Variants in FCHO2 observed in about 807,000 individuals in gnomAD.
The protein encoded by FCHO2 is FCH and mu domain containing endocytic adaptor 2, also known as F-BAR domain only protein 2.
FCHO2 carries 43 observed loss-of-function variants against 114.1 expected under a neutral mutation model. The observed-to-expected ratio is 0.38, with a 90% CI of 0.30 to 0.49. FCHO2 has a LOEUF of 0.49. FCHO2 is among the 20% of genes least tolerant of loss of function. The probability of loss-of-function intolerance (pLI) is 0.97; values close to 1 mark genes in which losing one functional copy is unlikely to be tolerated. For missense variants in FCHO2, 807 were observed against 950.4 expected, an observed-to-expected ratio of 0.85 and a Z score of 1.98; for synonymous variants, 293 against 315.2, an observed-to-expected ratio of 0.93 and a Z score of 0.75.
At chr5:73,029,115 C>T (rs1434100015) in intron 8 of FCHO2, among the ~76,000 whole-genome samples, 2 of 152,076 alleles carry the variant, frequency 1.3e-5, no homozygotes, top group African/African-American at 4.8e-5. Flanking sequence ...TGTCAAAATT[C>T]ATTAAACTGT....
intron 6 of FCHO2, among the ~76,000 whole-genome samples, chr5:73,008,985 G>A (rs1754857939): frequency 6.6e-6 from 1 of 152,208 alleles, no homozygotes. Context: ...AGTACACAAA[G>A]CCATGATGAC....
chr5:73,046,232 A>AT (rs1041220320), intron 11 of FCHO2, among the ~76,000 whole-genome samples: 13 of 152,004 alleles, frequency 8.6e-5, no homozygotes, highest in Non-Finnish European at 1.9e-4. Context: ...TACCCAGCTA[A>AT]TTTTTTTATT....
chr5:73,056,191 G>T, intron 16 of FCHO2, 84 bp downstream of exon 16: 12 of 1,058,414 alleles, frequency 1.1e-5, no homozygotes, highest in Non-Finnish European at 1.6e-5. Context: ...TGAATGGAAA[G>T]CACAGAGATT....
chr5:73,019,959 C>T (rs1755526640), intron 8 of FCHO2, among the ~76,000 whole-genome samples: 1 of 152,202 alleles, frequency 6.6e-6, no homozygotes, highest in Non-Finnish European at 1.5e-5. Context: ...CCACACCTCT[C>T]ACCAAGGCCA....
rs547826469 is a variant in FCHO2, at chr5:73,069,950, T to C, written c.1579+1171T>C. Reference sequence around the variant, plus strand: ...TAAAAATTATAACTGTACGTATTGCTGCTGGTTTAAGTAGTGATGGGTTTA... The same window carrying C: ...TAAAAATTATAACTGTACGTATTGCCGCTGGTTTAAGTAGTGATGGGTTTA... On this transcript the variant is annotated intron_variant, in intron 19 of 25. Transcript: ENST00000430046. Among the ~76,000 whole-genome samples the C allele has an allele frequency of 2.6e-5, 4 of 152,272 alleles. No homozygotes were observed. In the South Asian group the frequency reaches 8.3e-4, roughly 32 times the overall value.
At chr5:72,989,582 A>G in intron 3 of FCHO2, 81 bp downstream of exon 3, 2 of 1,013,222 alleles carry the variant, frequency 2.0e-6, no homozygotes, top group South Asian at 3.1e-5. Flanking sequence ...AGGACATAAC[A>G]GTTCAAAAGC....
rs536108441 is a variant in FCHO2 at position 73,081,220 on chromosome 5, CAG to C, written c.1981-560_1981-559del. On this transcript the variant is annotated intron_variant, in intron 22 of 25. Coordinates refer to ENST00000430046, the MANE Select transcript of FCHO2 (RefSeq NM_138782.3). ...ATACAGTTTTCAGTGTAAATTTAAA[CAG>C]AGCAGTCAGAGTAGGTCTCCTTAAA... Among the ~76,000 whole-genome samples, 33 of 152,204 alleles carry C rather than the reference CAG, an allele frequency of 2.2e-4. No homozygotes were observed. In the South Asian group the frequency reaches 3.9e-3, roughly 18 times the overall value.
chr5:72,969,909 T>A (rs1752424943), intron 2 of FCHO2, among the ~76,000 whole-genome samples: 1 of 152,234 alleles, frequency 6.6e-6, no homozygotes, highest in South Asian at 2.1e-4. Flanking sequence ...TTTGCTCTAT[T>A]TATGCACTTG....
intron 8 of FCHO2, among the ~76,000 whole-genome samples, chr5:73,028,357 G>C (rs186856871): frequency 1.3e-3 from 194 of 152,256 alleles, no homozygotes; most frequent in Non-Finnish European, 1.9e-3. Flanking sequence ...ATATGATCCA[G>C]TTGTTCTACC....
rs1311921456 is a variant in FCHO2 at position 73,054,566 on chromosome 5, A to C, written c.1210+17A>C. On this transcript the variant is annotated intron_variant, in intron 15 of 25. Coordinates refer to ENST00000430046, the MANE Select transcript of FCHO2 (RefSeq NM_138782.3). Reference sequence around the variant, plus strand: ...ATTTGTCTAGTAAGTTTGACATTTGAATTGTTTATTTTATGTCTATTAAAA... The same window carrying C: ...ATTTGTCTAGTAAGTTTGACATTTGCATTGTTTATTTTATGTCTATTAAAA... The C allele has an allele frequency of 1.3e-6, 2 of 1,528,344 alleles. No individual in the cohort carries two copies. The highest frequency in any genetic ancestry group is 4.1e-5 in the Admixed American group (2 of 48,730). The allele number at this position is 1,528,344 out of a possible 1,614,324, so 94.7% of individuals were successfully genotyped here.
At chr5:73,071,759 T>A (rs1742667019) in intron 19 of FCHO2, among the ~76,000 whole-genome samples, 1 of 151,868 alleles carries the variant, frequency 6.6e-6, no homozygotes, top group African/African-American at 2.4e-5. Context: ...AAATAGAAAA[T>A]ACGAAAGGGA....
At position 73,052,334 on chromosome 5, in the gene FCHO2, A is replaced by G; in HGVS notation, c.1000A>G (p.Thr334Ala). 1 of 1,603,612 alleles carries G rather than the reference A, an allele frequency of 6.2e-7. No individual in the cohort carries two copies. Among genetic ancestry groups the G allele is most frequent in the Non-Finnish European group, 8.5e-7 (1 of 1,175,500 alleles). Residue 334 changes from threonine (T) to alanine (A), a missense_variant and splice_region_variant, in exon 13 of 26, where the codon ACC (threonine) becomes GCC (alanine). By Grantham distance (58) the Thr-to-Ala change is moderately conservative. Transcript: ENST00000430046. ...SIKPETNQND[T>A]KENHFYSSSD... ...ACAATTCTTTAACTGAAACTCACAT[A>G]CCAAAGAGAACCATTTCTACTCATC...
chr5:73,003,278 G>T (rs1025948458), intron 5 of FCHO2, among the ~76,000 whole-genome samples: 1 of 152,054 alleles, frequency 6.6e-6, no homozygotes, highest in African/African-American at 2.4e-5. Flanking sequence ...CTCCCTAAGA[G>T]CTGGGGTTAC....
intron 11 of FCHO2, 74 bp from the exon 12 acceptor site, chr5:73,051,275 A>ATAATT (rs1757322993): frequency 9.8e-7 from 1 of 1,015,312 alleles, no homozygotes; most frequent in Non-Finnish European, 1.5e-6. Flanking sequence ...GTAATACCTG[A>ATAATT]GGCTACTTTG....
Position 72,986,866 on chromosome 5 carries a change from TTTTC to T in FCHO2, c.126-2553_126-2550del, listed in dbSNP as rs1004769796. 2.6e-5 allele frequency among the ~76,000 whole-genome samples: 4 copies of T among 151,786 alleles called. No homozygotes were observed. In the South Asian group the frequency reaches 6.2e-4, roughly 24 times the overall value. ...TATACAATATTTTAACTATTTTTCT[TTTTC>T]TTTCTTTTTTTTTTCTTTTTTTTTT... On this transcript the variant is annotated intron_variant, in intron 2 of 25. Transcript: ENST00000430046.
At chr5:73,018,519 T>C (rs1427111132) in intron 8 of FCHO2, among the ~76,000 whole-genome samples, 1 of 151,554 alleles carries the variant, frequency 6.6e-6, no homozygotes, top group Admixed American at 6.6e-5. Context: ...GTCTTAACTT[T>C]CTTCTTTTTT....
intron 8 of FCHO2, among the ~76,000 whole-genome samples, chr5:73,031,584 A>G (rs998450751): frequency 1.3e-5 from 2 of 152,192 alleles, no homozygotes; most frequent in African/African-American, 4.8e-5. Context: ...ACATCTTTTC[A>G]AAGTTTTAAT....
chr5:73,042,200 T>TTA (rs1756836098), intron 11 of FCHO2, among the ~76,000 whole-genome samples: 1 of 152,170 alleles, frequency 6.6e-6, no homozygotes, highest in Non-Finnish European at 1.5e-5. Context: ...AGAAATAGAC[T>TTA]TATAATGAGT....
At chr5:72,993,144 T>C (rs946008408) in intron 5 of FCHO2, among the ~76,000 whole-genome samples, 1 of 151,416 alleles carries the variant, frequency 6.6e-6, no homozygotes, top group Non-Finnish European at 1.5e-5. Context: ...TTCAAATAAA[T>C]AAACATAAAC....
Sources: gnomAD v4.1 joint callset for allele counts (sites outside exome capture counted in the v4.1 genomes callset) on GRCh38, gnomAD v4.1.1 for gene constraint, MANE v1.5 for transcripts, NCBI Gene and HGNC (gene_info 2026-07-23, HGNC 2026-07-21) for gene names.